Variants in ACOXL observed in about 807,000 individuals in gnomAD.
ACOXL encodes acyl-coenzyme A oxidase-like protein.
ACOXL carries 70 observed loss-of-function variants against 71.9 expected under a neutral mutation model. The ratio of observed to expected loss-of-function variants is 0.97; its 90% CI spans 0.80 to 1.19. The LOEUF (loss-of-function observed/expected upper bound fraction) is 1.19. Among genes scored for constraint, ACOXL ranks in the 50% most tolerant of loss-of-function variants. The pLI is 0.00. For missense variants in ACOXL, 703 were observed against 736.3 expected, an observed-to-expected ratio of 0.95 and a Z score of 0.52; for synonymous variants, 253 against 281.6, an observed-to-expected ratio of 0.90 and a Z score of 1.02.
chr2:111,117,679 CCACA>C lies in ACOXL; in HGVS notation c.1610_1613del (p.His537ProfsTer126). Reference sequence around the variant, plus strand: ...GAGGGTGATCTCGACCTTTAACATTCCACACACCTACCTCCACGCACCAATCGCC... The same window carrying C: ...GAGGGTGATCTCGACCTTTAACATTCCACCTACCTCCACGCACCAATCGCC... On this transcript the variant is annotated frameshift_variant, in exon 18 of 18. Transcript: ENST00000439055. LOFTEE classifies it low-confidence loss of function (END_TRUNC). 6.4e-7 allele frequency: 1 copy of C among 1,551,790 alleles called. No homozygotes were observed. The highest frequency in any genetic ancestry group is 8.7e-7 in the Non-Finnish European group (1 of 1,147,012).
intron 15 of ACOXL, among the ~76,000 whole-genome samples, chr2:111,035,357 T>C (rs1372339767): frequency 6.6e-6 from 1 of 152,254 alleles, no homozygotes; most frequent in Non-Finnish European, 1.5e-5. Flanking sequence ...ACTGTTACAA[T>C]GATAAATCGT....
chr2:110,851,848 G>A (rs940300690), intron 10 of ACOXL, among the ~76,000 whole-genome samples: 1 of 152,224 alleles, frequency 6.6e-6, no homozygotes, highest in Non-Finnish European at 1.5e-5. Flanking sequence ...GGGGGCAGCT[G>A]TTTCCAGACC....
Position 110,949,169 on chromosome 2 carries a change from G to T in ACOXL, c.1059+15527G>T, listed in dbSNP as rs372186835. Reference sequence around the variant, plus strand: ...GCTTCACCATAATGCCAAGTGACTTGTGGGTAGGGTGGAAGAAGTTCAGGC... The same window carrying T: ...GCTTCACCATAATGCCAAGTGACTTTTGGGTAGGGTGGAAGAAGTTCAGGC... On this transcript the variant is annotated intron_variant, in intron 12 of 17. Coordinates refer to ENST00000439055, the MANE Select transcript of ACOXL (RefSeq NM_001142807.4). Among the ~76,000 whole-genome samples the T allele has an allele frequency of 8.4e-4, 128 of 152,326 alleles. 2 individuals carry two copies. In the South Asian group the frequency reaches 0.025, roughly 30 times the overall value.
intron 11 of ACOXL, among the ~76,000 whole-genome samples, chr2:110,927,395 C>T (rs999485336): frequency 1.3e-5 from 2 of 152,182 alleles, no homozygotes; most frequent in Non-Finnish European, 2.9e-5. Flanking sequence ...ACCTGCTGGG[C>T]CTTCCCACTT....
chr2:110,885,693 G>A (rs1272308471), intron 10 of ACOXL, among the ~76,000 whole-genome samples: 1 of 152,144 alleles, frequency 6.6e-6, no homozygotes, highest in Non-Finnish European at 1.5e-5. Flanking sequence ...TCCTTAGTAA[G>A]TGAAGCGATG....
Position 110,883,901 on chromosome 2 carries a change from A to G in ACOXL, c.789-24888A>G, listed in dbSNP as rs573935400. Among the ~76,000 whole-genome samples the G allele has an allele frequency of 5.9e-5, 9 of 152,348 alleles. No individual in the cohort carries two copies. The South Asian group carries it at 1.9e-3, about 32-fold the overall frequency. ...GAATTGCATTATTTATCATAGACAC[A>G]TATAGTACACACTTAAATATTAGGG... On this transcript the variant is annotated intron_variant, in intron 10 of 17. Transcript: ENST00000439055.
chr2:110,987,262 C>A, intron 13 of ACOXL, 45 bp downstream of exon 13: 2 of 1,511,648 alleles, frequency 1.3e-6, no homozygotes, highest in Non-Finnish European at 1.8e-6. Context: ...AGTGGGTTAT[C>A]ATGAAGCCTG....
At chr2:110,947,969 C>G (rs181065009) in intron 12 of ACOXL, among the ~76,000 whole-genome samples, 1 of 152,262 alleles carries the variant, frequency 6.6e-6, no homozygotes, top group Non-Finnish European at 1.5e-5. Flanking sequence ...GTGCCACTCT[C>G]GTGTCACCGT....
chr2:110,849,401 T>C (rs1354772693), intron 10 of ACOXL, among the ~76,000 whole-genome samples: 3 of 152,224 alleles, frequency 2.0e-5, no homozygotes, highest in African/African-American at 7.2e-5. Flanking sequence ...ACAGCTCAAA[T>C]TAAAATCCCA....
chr2:110,844,334 T>G (rs951115157), intron 10 of ACOXL, among the ~76,000 whole-genome samples: 1 of 152,218 alleles, frequency 6.6e-6, no homozygotes, highest in African/African-American at 2.4e-5. Context: ...TTTAACATTC[T>G]GGAAAGTACA....
At chr2:110,887,011 A>C in intron 10 of ACOXL, 1 of 875,280 alleles carries the variant, frequency 1.1e-6, no homozygotes, top group East Asian at 2.7e-5. Context: ...AGATGTCTGC[A>C]GAGTGCCGCT....
chr2:111,021,341 A>G (rs1168922948), intron 14 of ACOXL, among the ~76,000 whole-genome samples: 1 of 152,186 alleles, frequency 6.6e-6, no homozygotes, highest in Non-Finnish European at 1.5e-5. Context: ...CAAGCTGGGA[A>G]CTGTGGACAT....
At chr2:110,918,860 C>G (rs1453593559) in intron 11 of ACOXL, among the ~76,000 whole-genome samples, 1 of 152,194 alleles carries the variant, frequency 6.6e-6, no homozygotes, top group Non-Finnish European at 1.5e-5. Flanking sequence ...GAGATACCAT[C>G]TCACGCCAGT....
At chr2:110,746,386 C>A (rs1183675507) in intron 1 of ACOXL, among the ~76,000 whole-genome samples, 1 of 152,050 alleles carries the variant, frequency 6.6e-6, no homozygotes, top group African/African-American at 2.4e-5. Flanking sequence ...TTTCCTTTGT[C>A]CCTAAGTGAT....
intron 10 of ACOXL, among the ~76,000 whole-genome samples, chr2:110,842,608 G>T (rs909284668): frequency 1.3e-5 from 2 of 152,188 alleles, no homozygotes; most frequent in East Asian, 1.9e-4. Context: ...GACAAAGAGG[G>T]TATGATCTAA....
intron 9 of ACOXL, among the ~76,000 whole-genome samples, chr2:110,833,613 A>G (rs1023558641): frequency 6.6e-6 from 1 of 152,154 alleles, no homozygotes; most frequent in Non-Finnish European, 1.5e-5. Context: ...ACTTCTCCAT[A>G]TAATTTCTTA....
At chr2:110,982,148 G>A (rs2062733921) in intron 12 of ACOXL, among the ~76,000 whole-genome samples, 1 of 151,900 alleles carries the variant, frequency 6.6e-6, no homozygotes, top group Admixed American at 6.6e-5. Context: ...GTTTGGTTTG[G>A]TGTTTTTTTT....
Position 111,103,934 on chromosome 2 carries a change from G to A in ACOXL, c.1542+10968G>A, listed in dbSNP as rs114634626. Among the ~76,000 whole-genome samples, 854 of 152,228 alleles carry A rather than the reference G, an allele frequency of 5.6e-3. 7 individuals carry two copies. Among genetic ancestry groups the A allele is most frequent in the Non-Finnish European group, 7.1e-3 (483 of 68,006 alleles). On this transcript the variant is annotated intron_variant, in intron 17 of 17. Coordinates refer to ENST00000439055, the MANE Select transcript of ACOXL (RefSeq NM_001142807.4). ...ATGACATTGATACAGTGAAGATACAGAGCATTTTTGTCACCACTTGTGGCT... is the reference window on the plus strand; with the variant it reads ...ATGACATTGATACAGTGAAGATACAAAGCATTTTTGTCACCACTTGTGGCT...
intron 1 of ACOXL, among the ~76,000 whole-genome samples, chr2:110,750,395 C>T (rs1415085281): frequency 6.6e-6 from 1 of 151,948 alleles, no homozygotes; most frequent in Non-Finnish European, 1.5e-5. Flanking sequence ...GTTTCGGGCT[C>T]ATCTTATATT....
Sources: gnomAD v4.1 joint callset for allele counts (sites outside exome capture counted in the v4.1 genomes callset) on GRCh38, gnomAD v4.1.1 for gene constraint, MANE v1.5 for transcripts, NCBI Gene and HGNC (gene_info 2026-07-23, HGNC 2026-07-21) for gene names.